Variants in PPP1R13B observed in about 807,000 individuals in gnomAD.
The protein encoded by PPP1R13B is apoptosis-stimulating of p53 protein 1.
Under a neutral mutation model 119.8 loss-of-function variants are expected in PPP1R13B, and 44 were observed. The observed-to-expected ratio is 0.37, with a 90% CI of 0.29 to 0.47. The LOEUF is 0.47. Among genes scored for constraint, PPP1R13B ranks in the 20% least tolerant of loss-of-function variants. PPP1R13B has a pLI of 0.99. For missense variants in PPP1R13B, 1,227 were observed against 1,413.5 expected (o/e 0.87, Z 2.12); for synonymous variants, 542 against 561.5 (o/e 0.97, Z 0.49).
intron 1 of PPP1R13B, among the ~76,000 whole-genome samples, chr14:103,824,330 C>T (rs992307229): frequency 6.7e-6 from 1 of 148,362 alleles, no homozygotes; most frequent in Non-Finnish European, 1.5e-5. Context: ...AGGTGTGAGC[C>T]ACAGCATCCA....
intron 5 of PPP1R13B, among the ~76,000 whole-genome samples, chr14:103,754,516 C>T (rs1567096756): frequency 7.8e-6 from 1 of 127,928 alleles, no homozygotes; most frequent in African/African-American, 3.0e-5. Flanking sequence ...GAGCTGAGAT[C>T]GTGCCACTGC....
chr14:103,798,264 G>C (rs1293240886), intron 1 of PPP1R13B, among the ~76,000 whole-genome samples: 1 of 147,222 alleles, frequency 6.8e-6, no homozygotes, highest in Non-Finnish European at 1.5e-5. Context: ...CCATTCTCTT[G>C]CCTCAGCCTC....
chr14:103,799,732 T>C (rs2085854398), intron 1 of PPP1R13B, among the ~76,000 whole-genome samples: 1 of 151,728 alleles, frequency 6.6e-6, no homozygotes, highest in Non-Finnish European at 1.5e-5. Flanking sequence ...ATGAAAGAGA[T>C]ACTTTAAAAA....
chr14:103,790,919 T>C (rs2085601775), intron 2 of PPP1R13B, among the ~76,000 whole-genome samples: 1 of 152,162 alleles, frequency 6.6e-6, no homozygotes, highest in South Asian at 2.1e-4. Context: ...ACTTAAGATT[T>C]ATAACTCTAA....
chr14:103,813,888 T>A (rs1295643722), intron 1 of PPP1R13B, among the ~76,000 whole-genome samples: 4 of 152,208 alleles, frequency 2.6e-5, no homozygotes, highest in African/African-American at 7.2e-5. Flanking sequence ...TAAAACTAAA[T>A]GAAAAGTCAC....
At chr14:103,762,932 C>T in intron 4 of PPP1R13B, 1 of 956,034 alleles carries the variant, frequency 1.0e-6, no homozygotes, top group East Asian at 2.6e-5. Context: ...TGTTGCTGTC[C>T]CCGTCTACAG....
intron 1 of PPP1R13B, among the ~76,000 whole-genome samples, chr14:103,833,409 C>A (rs888004227): frequency 6.6e-6 from 1 of 152,042 alleles, no homozygotes; most frequent in Non-Finnish European, 1.5e-5. Context: ...TTTGGGAGGC[C>A]GAGGCGAGTG....
At position 103,741,935 on chromosome 14, in the gene PPP1R13B, A is replaced by G; in HGVS notation, c.1677T>C (p.Asp559=). The change falls in exon 11 of 17, where the codon GAT becomes GAC. Residue 559 remains aspartate, a synonymous_variant. Transcript: ENST00000202556. ...TGGGAGACTGTGGCCTTGACCCTTT[A>G]TCAGCCAGGAAAGGCCTAATGGCCA... The part of the protein sequence containing the change: ...LTVAIRPFLA[D]KGSRPQSPRK... The G allele has an allele frequency of 3.1e-6, 5 of 1,614,158 alleles. No individual in the cohort carries two copies. Among genetic ancestry groups the G allele is most frequent in the Non-Finnish European group, 3.4e-6 (4 of 1,180,030 alleles).
intron 1 of PPP1R13B, among the ~76,000 whole-genome samples, chr14:103,808,295 T>C (rs2086066518): frequency 6.6e-6 from 1 of 151,458 alleles, no homozygotes; most frequent in Non-Finnish European, 1.5e-5. Flanking sequence ...AACTATGTGG[T>C]ATTCGGCAGA....
chr14:103,811,923 G>C (rs548580455), intron 1 of PPP1R13B, among the ~76,000 whole-genome samples: 1 of 148,274 alleles, frequency 6.7e-6, no homozygotes, highest in Non-Finnish European at 1.5e-5. Context: ...AGCCGGGTGT[G>C]GTGGTGGGCG....
chr14:103,838,678 A>C (rs1461533546), intron 1 of PPP1R13B, among the ~76,000 whole-genome samples: 1 of 152,186 alleles, frequency 6.6e-6, no homozygotes, highest in Admixed American at 6.5e-5. Context: ...GACGGTGAAA[A>C]CTTTCCAGAG....
chr14:103,803,198 C>T (rs755931350), intron 1 of PPP1R13B, among the ~76,000 whole-genome samples: 61 of 152,132 alleles, frequency 4.0e-4, no homozygotes, highest in Non-Finnish European at 7.5e-4. Flanking sequence ...TAGTACACCT[C>T]ACGATGGCAT....
chr14:103,827,048 G>A (rs2086562263), intron 1 of PPP1R13B, among the ~76,000 whole-genome samples: 1 of 151,064 alleles, frequency 6.6e-6, no homozygotes, highest in Admixed American at 6.6e-5. Flanking sequence ...ATTAAGGCTG[G>A]GCACGGTGGC....
intron 4 of PPP1R13B, chr14:103,764,428 G>A (rs776515826): frequency 1.8e-5 from 6 of 331,090 alleles, no homozygotes; most frequent in African/African-American, 4.5e-5. Flanking sequence ...TTTTTAAGTT[G>A]GTTGTCTTCT....
At chr14:103,815,997 T>G (rs1348514073) in intron 1 of PPP1R13B, among the ~76,000 whole-genome samples, 1 of 151,014 alleles carries the variant, frequency 6.6e-6, no homozygotes, top group Admixed American at 6.6e-5. Flanking sequence ...GGCAGGAGAA[T>G]GGTATGAACC....
In PPP1R13B at chr14:103,741,960, A is replaced by G. The variant is rs2084267341; in HGVS notation, c.1652T>C (p.Val551Ala). Residue 551 changes from valine (V) to alanine (A), a missense_variant, in exon 11 of 17, where the codon GTG becomes GCG. Physicochemically the swap from Val to Ala is moderately conservative, Grantham distance 64. Coordinates refer to ENST00000202556, the MANE Select transcript of PPP1R13B (RefSeq NM_015316.3). The part of the protein sequence containing the change: ...GDSKPELPLT[V>A]AIRPFLADKG... Reference sequence around the variant, plus strand: ...ATCAGCCAGGAAAGGCCTAATGGCCACTGTCAGTGGGAGTTCAGGCTTGCT... The same window carrying G: ...ATCAGCCAGGAAAGGCCTAATGGCCGCTGTCAGTGGGAGTTCAGGCTTGCT... 1 of 1,614,086 alleles carries G rather than the reference A, an allele frequency of 6.2e-7. No homozygotes were observed. The highest frequency in any genetic ancestry group is 1.3e-5 in the African/African-American group (1 of 74,914).
Position 103,754,241 on chromosome 14 carries a change from G to C in PPP1R13B, c.460C>G (p.Gln154Glu), listed in dbSNP as rs766978993. The change falls in exon 6 of 17, where the codon CAG becomes GAG. Residue 154 changes from glutamine to glutamate, a missense_variant. Transcript: ENST00000202556. ...TGTTGCTTTAGAAAATGTAAACGCT[G>C]TTCCTAACAAAAGAAAGAAAAATGT... is the stretch of plus-strand genomic sequence containing the variant. ...NQQQMLVAKEQRLHFLKQQER... is the reference protein window; with the variant it reads ...NQQQMLVAKEERLHFLKQQER... 3 of 1,600,962 alleles carry C rather than the reference G, an allele frequency of 1.9e-6. No homozygotes were observed.
intron 4 of PPP1R13B, among the ~76,000 whole-genome samples, chr14:103,770,694 G>A (rs1333665582): frequency 1.3e-5 from 2 of 152,070 alleles, no homozygotes; most frequent in African/African-American, 2.4e-5. Flanking sequence ...CCCTGGGAGC[G>A]CTCTGCTTCC....
rs544427013 is a variant in PPP1R13B at position 103,788,629 on chromosome 14, C to T, written c.158-3715G>A. Among the ~76,000 whole-genome samples, 368 of 151,546 alleles carry T rather than the reference C, an allele frequency of 2.4e-3. 2 individuals are homozygous for T. The Middle Eastern group carries it at 0.031, about 13-fold the overall frequency. On this transcript the variant is annotated intron_variant, in intron 2 of 16. Transcript: ENST00000202556. ...CCTTTAGCCCAGGAGTTTGAGGCTACGACTGCCATTGCGCTCAAGCCTGGA... is the reference window on the plus strand; with the variant it reads ...CCTTTAGCCCAGGAGTTTGAGGCTATGACTGCCATTGCGCTCAAGCCTGGA...
Sources: allele counts gnomAD v4.1 joint callset (sites outside exome capture counted in the v4.1 genomes callset), GRCh38; gene constraint gnomAD v4.1.1; transcripts MANE v1.5; gene names NCBI Gene and HGNC (gene_info 2026-07-23, HGNC 2026-07-21).